Variants in XIRP2 observed in about 807,000 individuals in gnomAD.
XIRP2 encodes the protein xin actin-binding repeat-containing protein 2.
A neutral mutation model predicts 277.0 loss-of-function variants in XIRP2; 236 were observed. That is an observed-to-expected ratio of 0.85 (90% CI 0.77 to 0.95). XIRP2 has a LOEUF of 0.95. XIRP2 is among the 40% of genes least tolerant of loss of function. XIRP2 has a pLI of 0.00. For missense variants in XIRP2, 4,640 were observed against 4,157.5 expected (o/e 1.12, Z -3.19); for synonymous variants, 1,490 against 1,416.5 (o/e 1.05, Z -1.17).
intron 2 of XIRP2, among the ~76,000 whole-genome samples, chr2:167,058,021 ATTATTTTATT>A (rs370711918): frequency 0.083 from 11,399 of 136,534 alleles, 558 homozygotes; most frequent in African/African-American, 0.13. Context: ...TTATTTTATA[ATTATTTTATT>A]TTATTTTATT....
intron 2 of XIRP2, among the ~76,000 whole-genome samples, chr2:167,090,278 A>G (rs1690102583): frequency 6.6e-6 from 1 of 152,074 alleles, no homozygotes; most frequent in African/African-American, 2.4e-5. Flanking sequence ...TTAACTCCAT[A>G]TACCCCACTC....
chr2:166,974,468 T>C (rs1341369403), intron 2 of XIRP2, among the ~76,000 whole-genome samples: 1 of 152,002 alleles, frequency 6.6e-6, no homozygotes, highest in Admixed American at 6.5e-5. Context: ...TATATATATA[T>C]ACACATATAT....
chr2:166,994,811 G>T (rs1267335375), intron 2 of XIRP2, among the ~76,000 whole-genome samples: 3 of 151,398 alleles, frequency 2.0e-5, no homozygotes, highest in Non-Finnish European at 4.4e-5. Flanking sequence ...ATGTCATTAG[G>T]GGAAACTAGT....
chr2:167,097,144 G>T (rs963858935), intron 2 of XIRP2, among the ~76,000 whole-genome samples: 4 of 152,104 alleles, frequency 2.6e-5, no homozygotes, highest in African/African-American at 9.7e-5. Context: ...TGACAGTGGG[G>T]TGTTAAAGTC....
rs553262646 is a variant in XIRP2, at chr2:167,207,991, T to C, written c.563-2744T>C. ...GAATAGATTATAAATTATTTTCTTA[T>C]ATGTGAATAAATGCATGCTTTCTAT... is the stretch of plus-strand genomic sequence containing the variant. On this transcript the variant is annotated intron_variant, in intron 3 of 10. Transcript: ENST00000409195. Among the ~76,000 whole-genome samples the C allele has an allele frequency of 3.3e-5, 5 of 152,314 alleles. No homozygotes were observed. In the East Asian group the frequency reaches 9.7e-4, roughly 29 times the overall value.
chr2:166,909,961 C>A (rs1293128479), intron 2 of XIRP2, among the ~76,000 whole-genome samples: 1 of 152,160 alleles, frequency 6.6e-6, no homozygotes, highest in Admixed American at 6.5e-5. Flanking sequence ...AGGGATGAAG[C>A]CCACTTGATC....
chr2:167,023,595 C>T (rs1214154492), intron 2 of XIRP2, among the ~76,000 whole-genome samples: 1 of 152,094 alleles, frequency 6.6e-6, no homozygotes, highest in Non-Finnish European at 1.5e-5. Flanking sequence ...TTAGGTCAAA[C>T]ATGTAAGTCT....
At position 167,258,785 on chromosome 2, in the gene XIRP2, T is replaced by C. The variant is rs772706482; in HGVS notation, c.*968T>C. 5.0e-6 allele frequency: 8 copies of C among 1,613,310 alleles called. No individual in the cohort carries two copies. The highest frequency in any genetic ancestry group is 5.9e-6 in the Non-Finnish European group (7 of 1,179,608). ...TGAAGCAAATGACACTGCAAATGAA[T>C]ATGAAATTGAGAAGTTAGAAAATAC... On this transcript the variant is annotated 3_prime_UTR_variant, in exon 11 of 11. Transcript: ENST00000409195.
chr2:166,915,706 C>T (rs1438293505), intron 2 of XIRP2, among the ~76,000 whole-genome samples: 2 of 152,120 alleles, frequency 1.3e-5, no homozygotes, highest in East Asian at 1.9e-4. Context: ...CTTTTAGACT[C>T]CAAATGGTAA....
chr2:167,143,127 A>T (rs1407756821), intron 3 of XIRP2, among the ~76,000 whole-genome samples: 1 of 152,074 alleles, frequency 6.6e-6, no homozygotes, highest in Non-Finnish European at 1.5e-5. Flanking sequence ...AGTAAAATCC[A>T]TAAATTCAGC....
At position 167,250,169 on chromosome 2, in the gene XIRP2, T is replaced by C. The variant is rs1430601677; in HGVS notation, c.8777T>C (p.Phe2926Ser). Residue 2926 changes from phenylalanine to serine, a missense_variant, in exon 9 of 11, where the codon TTC becomes TCC. Physicochemically the swap from Phe to Ser is radical, Grantham distance 155 (BLOSUM62 -2). Coordinates refer to ENST00000409195, the MANE Select transcript of XIRP2 (RefSeq NM_152381.6). The part of the protein sequence containing the change: ...SKQEITQNKS[F>S]FSSVKESQRD... The stretch of plus-strand genomic sequence containing the variant: ...CAAGAGATTACACAGAACAAATCTT[T>C]CTTTTCCTCTGTGAAAGAATCCCAG... 2 of 1,613,520 alleles carry C rather than the reference T, an allele frequency of 1.2e-6. No individual in the cohort carries two copies. Among genetic ancestry groups the C allele is most frequent in the Admixed American group, 3.3e-5 (2 of 59,968 alleles).
intron 2 of XIRP2, among the ~76,000 whole-genome samples, chr2:167,090,167 T>C (rs1690098707): frequency 6.6e-6 from 1 of 152,084 alleles, no homozygotes; most frequent in South Asian, 2.1e-4. Flanking sequence ...AACCACACTT[T>C]AATAACAGCT....
intron 2 of XIRP2, among the ~76,000 whole-genome samples, chr2:167,045,119 G>A (rs1054033076): frequency 1.3e-5 from 2 of 151,928 alleles, no homozygotes; most frequent in Non-Finnish European, 2.9e-5. Flanking sequence ...CCATGTGATC[G>A]TGGACAAAGT....
chr2:166,914,416 C>G, intron 2 of XIRP2, among the ~76,000 whole-genome samples: 1 of 152,188 alleles, frequency 6.6e-6, no homozygotes, highest in East Asian at 1.9e-4. Context: ...TCTCGGCTCA[C>G]TGCAAGCTCT....
chr2:167,222,749 A>T (rs1694469782), intron 5 of XIRP2, among the ~76,000 whole-genome samples: 1 of 152,204 alleles, frequency 6.6e-6, no homozygotes, highest in African/African-American at 2.4e-5. Flanking sequence ...GCTGGAACAG[A>T]TATTAGAATA....
intron 2 of XIRP2, among the ~76,000 whole-genome samples, chr2:167,084,155 T>G (rs1689845036): frequency 6.6e-6 from 1 of 152,254 alleles, no homozygotes; most frequent in African/African-American, 2.4e-5. Context: ...CATGAATTGT[T>G]GTTGAATTTT....
chr2:167,227,720 TAATAA>T (rs1227235890), intron 5 of XIRP2, among the ~76,000 whole-genome samples: 1 of 151,896 alleles, frequency 6.6e-6, no homozygotes, highest in Non-Finnish European at 1.5e-5. Context: ...AAAAATTTTC[TAATAA>T]AATAAATGAT....
intron 2 of XIRP2, among the ~76,000 whole-genome samples, chr2:167,012,491 C>T (rs896914882): frequency 1.3e-5 from 2 of 151,630 alleles, no homozygotes; most frequent in African/African-American, 4.8e-5. Context: ...GTTGAATAAT[C>T]CAGCTTCTTT....
intron 2 of XIRP2, among the ~76,000 whole-genome samples, chr2:166,933,145 A>C (rs1353827859): frequency 6.6e-6 from 1 of 151,500 alleles, no homozygotes; most frequent in Admixed American, 6.6e-5. Context: ...AATTAAACTT[A>C]TATATCAATT....
Sources: gnomAD v4.1 joint callset for allele counts (sites outside exome capture counted in the v4.1 genomes callset) on GRCh38, gnomAD v4.1.1 for gene constraint, MANE v1.5 for transcripts, NCBI Gene and HGNC (gene_info 2026-07-23, HGNC 2026-07-21) for gene names.